SORCS3: variants seen among roughly 807,000 people sequenced by gnomAD.
SORCS3 encodes the protein VPS10 domain-containing receptor SorCS3.
A neutral mutation model predicts 146.3 loss-of-function variants in SORCS3; 57 were observed. The ratio of observed to expected loss-of-function variants is 0.39; its 90% CI spans 0.31 to 0.49. The LOEUF (loss-of-function observed/expected upper bound fraction) is 0.49. SORCS3 is among the 20% of genes least tolerant of loss of function. SORCS3 has a pLI of 0.92. For synonymous variants in SORCS3, 653 were observed against 618.5 expected (o/e 1.06, Z -0.83); for missense variants, 1,341 against 1,575.5 (o/e 0.85, Z 2.52).
At chr10:105,121,041 T>A (rs570333717) in intron 7 of SORCS3, among the ~76,000 whole-genome samples, 2 of 152,296 alleles carry the variant, frequency 1.3e-5, no homozygotes, top group South Asian at 4.2e-4. Context: ...GGAAGGCAGA[T>A]GTGTTATCCA....
chr10:105,263,757 C>T lies in SORCS3; in HGVS notation c.*383C>T, dbSNP rs148115977. 5.4e-5 allele frequency: 12 copies of T among 222,782 alleles called. No individual in the cohort carries two copies. Among genetic ancestry groups the T allele is most frequent in the African/African-American group, 2.5e-4 (11 of 43,642 alleles). 13.8% of individuals were successfully genotyped at this position (222,782 alleles called of 1,614,324 possible). On this transcript the variant is annotated 3_prime_UTR_variant, in exon 27 of 27. Coordinates refer to ENST00000369701, the MANE Select transcript of SORCS3 (RefSeq NM_014978.3). ...CACCAACACTCTCCGCTTCCCCCAG[C>T]ACACACACATACAACACAGATCATT...
At chr10:104,861,872 C>T (rs935125807) in intron 2 of SORCS3, among the ~76,000 whole-genome samples, 5 of 152,158 alleles carry the variant, frequency 3.3e-5, no homozygotes, top group African/African-American at 1.2e-4. Flanking sequence ...GCATCTCCCC[C>T]AGCTCCTGGT....
intron 1 of SORCS3, among the ~76,000 whole-genome samples, chr10:104,673,045 G>GA (rs1410261167): frequency 1.3e-5 from 2 of 151,928 alleles, no homozygotes; most frequent in East Asian, 3.9e-4. Context: ...ATTTAAAGTC[G>GA]ATTTTGTTAG....
intron 1 of SORCS3, among the ~76,000 whole-genome samples, chr10:104,767,680 C>T (rs1032000499): frequency 3.7e-5 from 5 of 133,712 alleles, no homozygotes; most frequent in Non-Finnish European, 6.4e-5. Flanking sequence ...TCTCCACTCC[C>T]TTCCCCTTCC....
intron 5 of SORCS3, among the ~76,000 whole-genome samples, chr10:105,067,387 T>TGTG (rs1246123126): frequency 6.6e-6 from 1 of 152,106 alleles, no homozygotes; most frequent in Non-Finnish European, 1.5e-5. Flanking sequence ...ATTAGCCAGA[T>TGTG]GTGGTGGCAG....
At chr10:105,112,387 C>T (rs986129808) in intron 7 of SORCS3, among the ~76,000 whole-genome samples, 2 of 152,016 alleles carry the variant, frequency 1.3e-5, no homozygotes, top group African/African-American at 2.4e-5. Flanking sequence ...AGATTTGTAT[C>T]GATAGTAATC....
intron 7 of SORCS3, among the ~76,000 whole-genome samples, chr10:105,109,935 C>A (rs561162455): frequency 6.6e-6 from 1 of 151,038 alleles, no homozygotes; most frequent in Non-Finnish European, 1.5e-5. Flanking sequence ...TTTAATTTCT[C>A]GGGAGTTTCT....
At chr10:104,888,277 T>C (rs1443852345) in intron 2 of SORCS3, among the ~76,000 whole-genome samples, 1 of 152,232 alleles carries the variant, frequency 6.6e-6, no homozygotes, top group African/African-American at 2.4e-5. Flanking sequence ...ATCAAATCCA[T>C]AAATCCCTAG....
At chr10:104,780,058 G>T (rs2017356376) in intron 1 of SORCS3, among the ~76,000 whole-genome samples, 1 of 151,608 alleles carries the variant, frequency 6.6e-6, no homozygotes, top group Non-Finnish European at 1.5e-5. Flanking sequence ...CGGGGCAGGA[G>T]TAGGGGTGAC....
intron 1 of SORCS3, among the ~76,000 whole-genome samples, chr10:104,694,124 G>C (rs767440016): frequency 6.6e-6 from 1 of 150,432 alleles, no homozygotes; most frequent in Admixed American, 6.7e-5. Context: ...TCTTCTGCTT[G>C]ATAGATTGCT....
chr10:105,207,077 C>T (rs998712600), intron 16 of SORCS3, among the ~76,000 whole-genome samples: 14 of 152,062 alleles, frequency 9.2e-5, no homozygotes, highest in African/African-American at 3.4e-4. Flanking sequence ...CCTTAATGAG[C>T]CAGTGGGTGC....
intron 14 of SORCS3, among the ~76,000 whole-genome samples, chr10:105,189,678 T>C (rs2056501363): frequency 2.6e-5 from 4 of 152,196 alleles, no homozygotes; most frequent in African/African-American, 7.2e-5. Context: ...AGCAGTCAGC[T>C]TGGAAGAAAG....
intron 6 of SORCS3, among the ~76,000 whole-genome samples, chr10:105,097,772 CT>C (rs2055757114): frequency 6.6e-6 from 1 of 152,114 alleles, no homozygotes. Context: ...CAAAGATGAC[CT>C]GACCTGGGCT....
chr10:104,734,952 A>G (rs2016750433), intron 1 of SORCS3, among the ~76,000 whole-genome samples: 1 of 152,250 alleles, frequency 6.6e-6, no homozygotes. Flanking sequence ...TATTACTAAT[A>G]CATCTAACAA....
At chr10:104,656,111 A>T (rs1266169440) in intron 1 of SORCS3, among the ~76,000 whole-genome samples, 1 of 152,108 alleles carries the variant, frequency 6.6e-6, no homozygotes, top group Non-Finnish European at 1.5e-5. Flanking sequence ...AGGGACATTT[A>T]ACTTAGGAAG....
chr10:104,723,090 T>A (rs2016571356), intron 1 of SORCS3, among the ~76,000 whole-genome samples: 1 of 152,246 alleles, frequency 6.6e-6, no homozygotes, highest in South Asian at 2.1e-4. Flanking sequence ...ACTTTAGATC[T>A]TTCCTGCTTT....
At chr10:105,139,853 A>G (rs1032743615) in intron 8 of SORCS3, among the ~76,000 whole-genome samples, 3 of 152,224 alleles carry the variant, frequency 2.0e-5, no homozygotes, top group African/African-American at 7.2e-5. Flanking sequence ...GGACAGACGC[A>G]TAAAAGTGCA....
intron 1 of SORCS3, among the ~76,000 whole-genome samples, chr10:104,720,571 A>G (rs540324846): frequency 7.2e-5 from 11 of 152,328 alleles, no homozygotes; most frequent in African/African-American, 2.4e-4. Flanking sequence ...ACAATGGTCG[A>G]ACTAGTTTAC....
chr10:104,889,457 T>G (rs868031281), intron 2 of SORCS3, among the ~76,000 whole-genome samples: 9,084 of 147,588 alleles, frequency 0.062, 846 homozygotes, highest in African/African-American at 0.2. Context: ...GGATGGTATT[T>G]TTTTTTTTTT....
Sources: allele counts gnomAD v4.1 joint callset (sites outside exome capture counted in the v4.1 genomes callset), GRCh38; gene constraint gnomAD v4.1.1; transcripts MANE v1.5; gene names NCBI Gene and HGNC (gene_info 2026-07-23, HGNC 2026-07-21).